ARID5B: variants seen among roughly 807,000 people sequenced by gnomAD.
The protein encoded by ARID5B is AT-rich interaction domain 5B.
ARID5B carries 13 observed loss-of-function variants against 97.2 expected under a neutral mutation model. The ratio of observed to expected loss-of-function variants is 0.13; its 90% confidence interval spans 0.09 to 0.21. The LOEUF is 0.21. Among genes scored for constraint, ARID5B ranks in the 10% least tolerant of loss-of-function variants. The probability of loss-of-function intolerance (pLI) is 1.00; values close to 1 mark genes in which losing one functional copy is unlikely to be tolerated. For missense variants in ARID5B, 1,210 were observed against 1,465.3 expected, an observed-to-expected ratio of 0.83 and a Z score of 2.84; for synonymous variants, 556 against 570.3, an observed-to-expected ratio of 0.97 and a Z score of 0.36.
At chr10:61,925,162 A>C (rs1270812155) in intron 2 of ARID5B, among the ~76,000 whole-genome samples, 2 of 152,136 alleles carry the variant, frequency 1.3e-5, no homozygotes, top group East Asian at 3.9e-4. Flanking sequence ...CAGAGATCGC[A>C]CCACTGCACT....
At chr10:62,012,982 G>C (rs1289810539) in intron 4 of ARID5B, among the ~76,000 whole-genome samples, 1 of 152,068 alleles carries the variant, frequency 6.6e-6, no homozygotes, top group Non-Finnish European at 1.5e-5. Flanking sequence ...ATACATAAAA[G>C]CATCAGCACT....
Position 61,940,087 on chromosome 10 carries a change from C to T in ARID5B, c.277-96C>T, listed in dbSNP as rs1414246313. On this transcript the variant is annotated intron_variant, in intron 2 of 9. Transcript: ENST00000279873. ...AGTCTCCTTGCATTAGGTTAAACCA[C>T]TCACATGGCATTTCAGATGGGCCTT... The T allele has an allele frequency of 7.2e-6, 8 of 1,117,942 alleles. No individual in the cohort carries two copies. The East Asian group carries it at 1.2e-4, about 17-fold the overall frequency. 69.3% of individuals were successfully genotyped at this position (1,117,942 alleles called of 1,614,324 possible).
At chr10:61,939,489 C>T (rs1415309306) in intron 2 of ARID5B, among the ~76,000 whole-genome samples, 1 of 152,104 alleles carries the variant, frequency 6.6e-6, no homozygotes, top group Non-Finnish European at 1.5e-5. Flanking sequence ...AATTCAAAGA[C>T]TTTTTCCTCA....
chr10:61,919,154 G>T (rs542505537), intron 2 of ARID5B, among the ~76,000 whole-genome samples: 41 of 149,724 alleles, frequency 2.7e-4, no homozygotes, highest in African/African-American at 9.1e-4. Context: ...TGGCTTCCCA[G>T]ATGTTTGATC....
chr10:62,082,687 A>G lies in ARID5B; in HGVS notation c.1200-3015A>G, dbSNP rs558837299. Among the ~76,000 whole-genome samples the G allele has an allele frequency of 1.4e-4, 21 of 152,334 alleles. 1 individual carries two copies. The East Asian group carries it at 3.7e-3, about 27-fold the overall frequency. On this transcript the variant is annotated intron_variant, in intron 8 of 9. Coordinates refer to ENST00000279873, the MANE Select transcript of ARID5B (RefSeq NM_032199.3). ...GCTAACCTGTTTTTAATGGTACCAC[A>G]TGTACGTTGAACGTTTAAATGTTCA...
intron 2 of ARID5B, among the ~76,000 whole-genome samples, chr10:61,911,881 C>A (rs1178401640): frequency 1.3e-5 from 2 of 152,136 alleles, no homozygotes; most frequent in Non-Finnish European, 2.9e-5. Flanking sequence ...ATGAGCTGGA[C>A]AACTATCTGT....
intron 3 of ARID5B, among the ~76,000 whole-genome samples, chr10:61,976,059 G>A (rs1838694298): frequency 6.6e-6 from 1 of 152,162 alleles, no homozygotes; most frequent in Admixed American, 6.6e-5. Context: ...GGAATACAGT[G>A]GTGGAAGGAA....
At chr10:62,067,137 G>A (rs1386740699) in intron 7 of ARID5B, among the ~76,000 whole-genome samples, 1 of 151,904 alleles carries the variant, frequency 6.6e-6, no homozygotes, top group Non-Finnish European at 1.5e-5. Context: ...CCAGGCTGGA[G>A]TGCAATGGCG....
In ARID5B at chr10:62,091,083, T is replaced by C; in HGVS notation, c.1620T>C (p.Pro540=). ...AGGCGGGAGAGAAGGGGCCCACACC[T>C]CCACTCCCAAGTGCTCCTCTGGCCC... ...AEEAGEKGPT[P]PLPSAPLAPE... The change falls in exon 10 of 10, where the codon CCT becomes CCC. Residue 540 remains proline (P), a synonymous_variant. Coordinates refer to ENST00000279873, the MANE Select transcript of ARID5B (RefSeq NM_032199.3). 1 of 1,613,956 alleles carries C rather than the reference T, an allele frequency of 6.2e-7. No individual in the cohort carries two copies. Among genetic ancestry groups the C allele is most frequent in the African/African-American group, 1.3e-5 (1 of 75,010 alleles).
At chr10:62,040,348 TATATATGTGTGTA>T (rs1245964301) in intron 4 of ARID5B, among the ~76,000 whole-genome samples, 8 of 152,146 alleles carry the variant, frequency 5.3e-5, no homozygotes, top group South Asian at 4.1e-4. Flanking sequence ...ATTATATATA[TATATATGTGTGTA>T]ATGTGTATAT....
chr10:61,989,483 TAATA>T (rs1298683819), intron 3 of ARID5B, among the ~76,000 whole-genome samples: 1 of 152,168 alleles, frequency 6.6e-6, no homozygotes, highest in Admixed American at 6.5e-5. Flanking sequence ...AATTTTGTGT[TAATA>T]AGTAAAAAAT....
intron 4 of ARID5B, among the ~76,000 whole-genome samples, chr10:62,033,614 C>G (rs1048347370): frequency 1.3e-5 from 2 of 152,206 alleles, no homozygotes; most frequent in African/African-American, 4.8e-5. Flanking sequence ...GTCAGTAACT[C>G]TCCAACCAGC....
intron 4 of ARID5B, among the ~76,000 whole-genome samples, chr10:62,045,674 C>G (rs1480334277): frequency 1.3e-5 from 2 of 152,242 alleles, no homozygotes; most frequent in African/African-American, 4.8e-5. Flanking sequence ...TGGTCTCGAA[C>G]TCCTGACCAC....
chr10:61,936,463 CA>C (rs1425270505), intron 2 of ARID5B, among the ~76,000 whole-genome samples: 6 of 152,074 alleles, frequency 3.9e-5, no homozygotes, highest in Non-Finnish European at 7.4e-5. Context: ...ACTAAAAGTA[CA>C]AAGATTAGCC....
At chr10:61,977,578 T>C (rs1363402977) in intron 3 of ARID5B, among the ~76,000 whole-genome samples, 3 of 152,264 alleles carry the variant, frequency 2.0e-5, no homozygotes, top group Non-Finnish European at 2.9e-5. Context: ...TATCTCATTG[T>C]GGTTTTGATT....
intron 3 of ARID5B, among the ~76,000 whole-genome samples, chr10:61,965,639 A>G (rs1163601861): frequency 6.6e-6 from 1 of 152,176 alleles, no homozygotes; most frequent in Non-Finnish European, 1.5e-5. Context: ...TATTTAAAAT[A>G]AAAATGGCTT....
At chr10:62,046,258 G>A (rs1839707306) in intron 4 of ARID5B, among the ~76,000 whole-genome samples, 1 of 152,068 alleles carries the variant, frequency 6.6e-6, no homozygotes, top group Non-Finnish European at 1.5e-5. Flanking sequence ...GAACATTTAA[G>A]CCAAAAGCAA....
chr10:62,048,709 G>A (rs1372660290), intron 4 of ARID5B, among the ~76,000 whole-genome samples: 2 of 152,138 alleles, frequency 1.3e-5, no homozygotes, highest in Non-Finnish European at 2.9e-5. Context: ...GTCAGTTCCC[G>A]GAACCTTTGC....
chr10:61,960,000 G>T (rs1838447083), intron 3 of ARID5B, among the ~76,000 whole-genome samples: 2 of 152,198 alleles, frequency 1.3e-5, no homozygotes, highest in Non-Finnish European at 2.9e-5. Flanking sequence ...ACTGCTGGAT[G>T]ATTTCCTTTA....
Sources: allele counts gnomAD v4.1 joint callset (sites outside exome capture counted in the v4.1 genomes callset), GRCh38; gene constraint gnomAD v4.1.1; transcripts MANE v1.5; gene names NCBI Gene and HGNC (gene_info 2026-07-23, HGNC 2026-07-21).